Variants in NIBAN2 observed in about 807,000 individuals in gnomAD.
NIBAN2 encodes the protein protein Niban 2.
Under a neutral mutation model 81.8 loss-of-function variants are expected in NIBAN2, and 36 were observed. The ratio of observed to expected loss-of-function variants is 0.44; its 90% CI spans 0.34 to 0.58. NIBAN2 has a LOEUF of 0.58. Ranked by LOEUF, NIBAN2 falls within the 20% of genes least tolerant of loss-of-function variation. The pLI is 0.02. For missense variants in NIBAN2, 897 were observed against 1,014.1 expected, an observed-to-expected ratio of 0.88 and a Z score of 1.57; for synonymous variants, 445 against 441.6, an observed-to-expected ratio of 1.01 and a Z score of -0.10.
At chr9:127,567,803 T>A (rs77027184) in intron 1 of NIBAN2, among the ~76,000 whole-genome samples, 1 of 152,144 alleles carries the variant, frequency 6.6e-6, no homozygotes. Flanking sequence ...GCAAGCCACA[T>A]GAGTTACTTC....
At chr9:127,553,694 C>T (rs898507264) in intron 1 of NIBAN2, among the ~76,000 whole-genome samples, 4 of 152,216 alleles carry the variant, frequency 2.6e-5, no homozygotes, top group Admixed American at 1.3e-4. Context: ...TACCAGCATC[C>T]TGTGCATATT....
At position 127,516,927 on chromosome 9, in the gene NIBAN2, C is replaced by T. The variant is rs150439612; in HGVS notation, c.903G>A (p.Met301Ile). The change falls in exon 8 of 14, where the codon ATG becomes ATA. Residue 301 changes from methionine to isoleucine, a missense_variant. Physicochemically the swap from Met to Ile is conservative, Grantham distance 10 (BLOSUM62 1). Coordinates refer to ENST00000373312, the MANE Select transcript of NIBAN2 (RefSeq NM_022833.4). ...CCATGTCAGTTCGGATGACGGCCTG[C>T]ATGGCCGGCTGCACCTGCTGCACCT... ...LSKVQQVQPAMQAVIRTDMDQ... is the reference protein window; with the variant it reads ...LSKVQQVQPAIQAVIRTDMDQ... 6.8e-6 allele frequency: 11 copies of T among 1,614,084 alleles called. No homozygotes were observed. The African/African-American group carries it at 1.3e-4, about 20-fold the overall frequency.
intron 3 of NIBAN2, 65 bp from the exon 4 acceptor site, chr9:127,525,228 C>T (rs972405846): frequency 9.9e-6 from 12 of 1,214,416 alleles, no homozygotes; most frequent in Non-Finnish European, 1.5e-5. Context: ...TCCCACCTGG[C>T]TTCAAGGCCC....
rs370152523 is a variant in NIBAN2 at position 127,523,683 on chromosome 9, G to A, written c.585C>T (p.Asn195=). The A allele has an allele frequency of 1.9e-6, 3 of 1,609,648 alleles. No individual in the cohort carries two copies. The highest frequency in any genetic ancestry group is 2.5e-6 in the Non-Finnish European group (3 of 1,176,638). Residue 195 remains asparagine (N), a synonymous_variant, in exon 5 of 14, where the codon AAC becomes AAT. Transcript: ENST00000373312. Reference sequence around the variant, plus strand: ...CTGCACCCACAGGCCACTCACCATTGTTGCAGTGCCGGATGCAGTCCTGCA... The same window carrying A: ...CTGCACCCACAGGCCACTCACCATTATTGCAGTGCCGGATGCAGTCCTGCA... ...AVLQDCIRHC[N]NGIPEDSKVE...
Position 127,568,928 on chromosome 9 carries a change from T to C in NIBAN2, c.-54A>G. On this transcript the variant is annotated 5_prime_UTR_variant, in exon 1 of 14. Coordinates refer to ENST00000373312, the MANE Select transcript of NIBAN2 (RefSeq NM_022833.4). ...CCGACGCCGCCGCTGTTGCCCGCGC[T>C]GCTCAGGCGGACGCCGCTGGCGCCA... 1 of 1,220,688 alleles carries C rather than the reference T, an allele frequency of 8.2e-7. No individual in the cohort carries two copies. Among genetic ancestry groups the C allele is most frequent in the Non-Finnish European group, 1.0e-6 (1 of 981,694 alleles). 75.6% of individuals were successfully genotyped at this position (1,220,688 alleles called of 1,614,324 possible).
chr9:127,538,474 T>C (rs946392825), intron 1 of NIBAN2, among the ~76,000 whole-genome samples: 1 of 152,030 alleles, frequency 6.6e-6, no homozygotes, highest in East Asian at 1.9e-4. Context: ...AGAAACGCAG[T>C]TGTGTGGCCA....
chr9:127,526,843 G>A (rs1207582575), intron 3 of NIBAN2, among the ~76,000 whole-genome samples: 1 of 152,212 alleles, frequency 6.6e-6, no homozygotes, highest in Non-Finnish European at 1.5e-5. Flanking sequence ...GGGGTCGGAG[G>A]AGAGGCAGGA....
intron 1 of NIBAN2, among the ~76,000 whole-genome samples, chr9:127,534,640 A>C (rs1191044824): frequency 6.6e-6 from 1 of 152,142 alleles, no homozygotes; most frequent in Non-Finnish European, 1.5e-5. Flanking sequence ...ACCCCTCTCC[A>C]CAGACCCTGT....
In NIBAN2 at chr9:127,545,464, C is replaced by T. The variant is rs970299831; in HGVS notation, c.56-13686G>A. On this transcript the variant is annotated intron_variant, in intron 1 of 13. Coordinates refer to ENST00000373312, the MANE Select transcript of NIBAN2 (RefSeq NM_022833.4). The surrounding 1 kb of genome is among the most constrained non-coding windows in gnomAD (Gnocchi z 4.7). ...GCCGAACAAGTGTTAGGTCACCCAG[C>T]CTCAGGCGCCAAACAGGTCACCAGG... Among the ~76,000 whole-genome samples, 6 of 152,224 alleles carry T rather than the reference C, an allele frequency of 3.9e-5. No homozygotes were observed. The East Asian group carries it at 1.2e-3, about 29-fold the overall frequency.
intron 5 of NIBAN2, among the ~76,000 whole-genome samples, chr9:127,521,842 C>T (rs1311928522): frequency 2.6e-5 from 4 of 152,228 alleles, no homozygotes; most frequent in Non-Finnish European, 5.9e-5. Context: ...ACTGAGTGCT[C>T]ACTGTGCGTG....
chr9:127,529,360 C>T (rs1023599592), intron 2 of NIBAN2, among the ~76,000 whole-genome samples: 3 of 152,196 alleles, frequency 2.0e-5, no homozygotes, highest in Non-Finnish European at 2.9e-5. Context: ...CTGTTTTAGC[C>T]GGGCGCTGTG....
At chr9:127,573,885 T>C (rs1771337273), upstream of NIBAN2, among the ~76,000 whole-genome samples, 1 of 152,184 alleles carries the variant, frequency 6.6e-6, no homozygotes, top group African/African-American at 2.4e-5. Context: ...CTGGAACTCC[T>C]GACCACAAGT....
In NIBAN2 at chr9:127,507,442, A is replaced by G; in HGVS notation, c.1655-11T>C. 1.3e-6 allele frequency: 2 copies of G among 1,498,148 alleles called. No individual in the cohort carries two copies. The highest frequency in any genetic ancestry group is 1.4e-5 in the South Asian group (1 of 72,466). The allele number at this position is 1,498,148 out of a possible 1,614,324, so 92.8% of individuals were successfully genotyped here. ...CGGCCTCCTTCACAGCTACAGGGCC[A>G]CAGGGGAAGGGTCAGGACACAGCAC... On this transcript the variant is annotated splice_polypyrimidine_tract_variant and intron_variant, in intron 13 of 13. Coordinates refer to ENST00000373312, the MANE Select transcript of NIBAN2 (RefSeq NM_022833.4). This position sits in a 1 kb window ranked among gnomAD's most constrained non-coding sequence, Gnocchi z 6.8.
rs371009776 is a variant in NIBAN2 at position 127,508,552 on chromosome 9, C to T, written c.1318-14G>A. The T allele has an allele frequency of 8.1e-6, 13 of 1,606,434 alleles. No individual in the cohort carries two copies. Among genetic ancestry groups the T allele is most frequent in the South Asian group, 1.1e-5 (1 of 90,956 alleles). On this transcript the variant is annotated splice_polypyrimidine_tract_variant and intron_variant, in intron 10 of 13. Transcript: ENST00000373312. This position sits in a 1 kb window ranked among gnomAD's most constrained non-coding sequence, Gnocchi z 6.4. ...ATTGTCCATTTGCTGCAGGGCATAC[C>T]GCGGACATGTGAAGCCCCCAGGGTG...
At chr9:127,547,028 T>C (rs1024023123) in intron 1 of NIBAN2, among the ~76,000 whole-genome samples, 1 of 150,540 alleles carries the variant, frequency 6.6e-6, no homozygotes, top group Non-Finnish European at 1.5e-5. Flanking sequence ...AAGGCCAAGA[T>C]TCGGACAGGC....
At chr9:127,570,863 G>GA (rs1837938259), upstream of NIBAN2, among the ~76,000 whole-genome samples, 1 of 152,238 alleles carries the variant, frequency 6.6e-6, no homozygotes, top group African/African-American at 2.4e-5. Flanking sequence ...TATAGAGGTG[G>GA]AAACTGAGGC....
intron 1 of NIBAN2, among the ~76,000 whole-genome samples, chr9:127,542,316 C>CT (rs1258965687): frequency 1.3e-5 from 2 of 152,090 alleles, no homozygotes; most frequent in Non-Finnish European, 2.9e-5. Context: ...GGTGGGAGCC[C>CT]TCCACCTATT....
intron 1 of NIBAN2, among the ~76,000 whole-genome samples, chr9:127,567,242 C>T (rs890098898): frequency 6.6e-6 from 1 of 152,122 alleles, no homozygotes; most frequent in African/African-American, 2.4e-5. Flanking sequence ...CCCACCCAGG[C>T]CCCTCGAGGG....
chr9:127,544,379 A>G (rs1276658814), intron 1 of NIBAN2, among the ~76,000 whole-genome samples: 1 of 152,146 alleles, frequency 6.6e-6, no homozygotes, highest in Non-Finnish European at 1.5e-5. Context: ...CCACCTCACA[A>G]GGTTGCTAGG....
Sources: gnomAD v4.1 joint callset for allele counts (sites outside exome capture counted in the v4.1 genomes callset) on GRCh38, gnomAD v4.1.1 for gene constraint, Gnocchi (gnomAD v3.1) non-coding constraint, MANE v1.5 for transcripts, NCBI Gene and HGNC (gene_info 2026-07-23, HGNC 2026-07-21) for gene names.